The following RICTOR variants were observed in gnomAD, a reference collection of about 807,000 sequenced individuals.
The protein encoded by RICTOR is RPTOR independent companion of MTOR complex 2.
Under a neutral mutation model 214.9 loss-of-function variants are expected in RICTOR, and 49 were observed. The observed-to-expected ratio is 0.23, with a 90% CI of 0.18 to 0.29. The LOEUF (loss-of-function observed/expected upper bound fraction) is 0.29. RICTOR is among the 10% of genes least tolerant of loss of function. RICTOR has a pLI of 1.00. For missense variants in RICTOR, 1,625 were observed against 2,047.0 expected, an observed-to-expected ratio of 0.79 and a Z score of 3.98; for synonymous variants, 717 against 711.3, an observed-to-expected ratio of 1.01 and a Z score of -0.13.
chr5:38,973,770 A>T (rs1409640301), intron 10 of RICTOR, among the ~76,000 whole-genome samples: 1 of 152,194 alleles, frequency 6.6e-6, no homozygotes, highest in South Asian at 2.1e-4. Flanking sequence ...GTCTCAAAAG[A>T]TCATACTCTG....
At chr5:38,990,632 T>TCAG (rs1752578928) in intron 7 of RICTOR, among the ~76,000 whole-genome samples, 1 of 61,136 alleles carries the variant, frequency 1.6e-5, no homozygotes, top group Non-Finnish European at 3.7e-5. Context: ...ATGATATATA[T>TCAG]ATCTGACATA....
chr5:39,040,955 A>G (rs1757120286), intron 2 of RICTOR, among the ~76,000 whole-genome samples: 1 of 152,238 alleles, frequency 6.6e-6, no homozygotes, highest in South Asian at 2.1e-4. Flanking sequence ...GGTAGGTAGT[A>G]AATATCATGC....
chr5:39,013,274 A>C (rs926265484), intron 3 of RICTOR, among the ~76,000 whole-genome samples: 3 of 152,188 alleles, frequency 2.0e-5, no homozygotes, highest in African/African-American at 7.2e-5. Flanking sequence ...AGCAAAACAA[A>C]TACTATTATA....
intron 3 of RICTOR, among the ~76,000 whole-genome samples, chr5:39,005,427 T>C (rs1296943103): frequency 3.3e-5 from 5 of 152,166 alleles, no homozygotes; most frequent in African/African-American, 2.4e-5. Flanking sequence ...TAATCTTCTA[T>C]TACATGTATC....
rs1755547534 is a variant in RICTOR at position 39,023,045 on chromosome 5, T to TC, written c.98-1910dup. On this transcript the variant is annotated intron_variant, in intron 2 of 37. Transcript: ENST00000357387. ...CCTAGGCAGATTATAATCAAATTGC[T>TC]CAAAACCACTGATAGAGATAATCTT... 2.0e-5 allele frequency among the ~76,000 whole-genome samples: 3 copies of TC among 151,740 alleles called. No homozygotes were observed. The South Asian group carries it at 6.2e-4, about 32-fold the overall frequency.
intron 2 of RICTOR, among the ~76,000 whole-genome samples, chr5:39,042,251 G>A (rs1757225836): frequency 6.6e-6 from 1 of 152,040 alleles, no homozygotes; most frequent in Non-Finnish European, 1.5e-5. Context: ...CCTACTCTAT[G>A]AAATATTCTT....
chr5:39,026,875 C>T lies in RICTOR; in HGVS notation c.98-5739G>A, dbSNP rs553783464. Among the ~76,000 whole-genome samples the T allele has an allele frequency of 4.6e-5, 7 of 151,772 alleles. No individual in the cohort carries two copies. The East Asian group carries it at 9.8e-4, about 21-fold the overall frequency. The stretch of plus-strand genomic sequence containing the variant: ...ATACAAAATAAGCTGGGCGTGGTCA[C>T]GCATGCCTGTTAATCCCAGCTACTC... On this transcript the variant is annotated intron_variant, in intron 2 of 37. Transcript: ENST00000357387.
At position 39,004,771 on chromosome 5, in the gene RICTOR, AGACTCTTTTTTTTTTTTTTTTTTTT is replaced by A. The variant is rs1753903034; in HGVS notation, c.196-1174_196-1150del. Among the ~76,000 whole-genome samples the A allele has an allele frequency of 2.1e-5, 3 of 142,330 alleles. No homozygotes were observed. In the Admixed American group the frequency reaches 2.1e-4, roughly 10 times the overall value. The allele number at this position is 142,330 out of a possible 152,430, so 93.4% of individuals were successfully genotyped here. On this transcript the variant is annotated intron_variant, in intron 3 of 37. Coordinates refer to ENST00000357387, the MANE Select transcript of RICTOR (RefSeq NM_152756.5). ...CGTGAGCCACCGCACTGGGCCTCTC[AGACTCTTTTTTTTTTTTTTTTTTTT>A]TTGAGATGGAGTTTCATTCTTGTTG...
At chr5:39,007,240 G>A (rs1487457950) in intron 3 of RICTOR, among the ~76,000 whole-genome samples, 1 of 152,084 alleles carries the variant, frequency 6.6e-6, no homozygotes, top group Admixed American at 6.6e-5. Flanking sequence ...AACTCTGGAG[G>A]CCAGAAATCT....
At chr5:39,062,940 T>A (rs950583625) in intron 2 of RICTOR, among the ~76,000 whole-genome samples, 2 of 152,172 alleles carry the variant, frequency 1.3e-5, no homozygotes, top group African/African-American at 4.8e-5. Flanking sequence ...ATTTCAAATA[T>A]TCTGACTGTC....
At chr5:39,040,005 GAC>G (rs1455023626) in intron 2 of RICTOR, among the ~76,000 whole-genome samples, 3 of 152,064 alleles carry the variant, frequency 2.0e-5, no homozygotes, top group Non-Finnish European at 4.4e-5. Flanking sequence ...GTGCTATAAA[GAC>G]ACATGCACAC....
intron 3 of RICTOR, among the ~76,000 whole-genome samples, chr5:39,010,647 T>C (rs1754435776): frequency 6.6e-6 from 1 of 152,210 alleles, no homozygotes; most frequent in African/African-American, 2.4e-5. Flanking sequence ...AGGAACTTGT[T>C]GGGAACTGGA....
chr5:39,022,770 G>A (rs1005562975), intron 2 of RICTOR, among the ~76,000 whole-genome samples: 2 of 152,144 alleles, frequency 1.3e-5, no homozygotes, highest in Non-Finnish European at 2.9e-5. Flanking sequence ...TCACCCTCAA[G>A]ATGCTTTCCT....
intron 2 of RICTOR, among the ~76,000 whole-genome samples, chr5:39,047,475 C>T (rs1347141984): frequency 1.3e-5 from 2 of 152,172 alleles, no homozygotes; most frequent in African/African-American, 2.4e-5. Flanking sequence ...TAACAGGCCA[C>T]GGACTGGTAC....
chr5:39,000,449 A>T (rs1464426604), intron 5 of RICTOR, among the ~76,000 whole-genome samples: 1 of 152,022 alleles, frequency 6.6e-6, no homozygotes, highest in African/African-American at 2.4e-5. Flanking sequence ...TTACATATAA[A>T]GAGAACAATA....
chr5:38,950,755 T>C (rs377362561), intron 30 of RICTOR, 35 bp from the exon 31 acceptor site: 56 of 1,504,440 alleles, frequency 3.7e-5, no homozygotes, highest in East Asian at 4.5e-5. Context: ...AAAACACATA[T>C]AAAATGACAA....
rs759667945 is a variant in RICTOR at position 38,945,000 on chromosome 5, A to AG, written c.4701dup (p.Ser1568LeufsTer2). On this transcript the variant is annotated frameshift_variant, in exon 35 of 38. Transcript: ENST00000357387. LOFTEE classifies it high-confidence loss of function. ...CATCCAGAAATCCCCGAAAACTTAG[A>AG]GGGAACCACTTCTAAAGGATTATGG... The AG allele has an allele frequency of 6.2e-7, 1 of 1,613,020 alleles. No homozygotes were observed. Among genetic ancestry groups the AG allele is most frequent in the Non-Finnish European group, 8.5e-7 (1 of 1,178,992 alleles).
chr5:39,042,400 G>A (rs1211654227), intron 2 of RICTOR, among the ~76,000 whole-genome samples: 1 of 152,044 alleles, frequency 6.6e-6, no homozygotes. Flanking sequence ...CACACCAACC[G>A]TATAAGGTAG....
chr5:38,949,362 A>G, intron 31 of RICTOR: 1 of 1,575,218 alleles, frequency 6.3e-7, no homozygotes, highest in Admixed American at 1.8e-5. Context: ...CTACCTGAAA[A>G]GGTTGTTTGT....
Sources: allele counts gnomAD v4.1 joint callset (sites outside exome capture counted in the v4.1 genomes callset), GRCh38; gene constraint gnomAD v4.1.1; transcripts MANE v1.5; gene names NCBI Gene and HGNC (gene_info 2026-07-23, HGNC 2026-07-21).